The following CELF2 variants were observed in gnomAD, a reference collection of about 807,000 sequenced individuals.
CELF2 encodes the protein CUG triplet repeat RNA-binding protein 2.
CELF2 carries 8 observed loss-of-function variants against 62.6 expected under a neutral mutation model. The ratio of observed to expected loss-of-function variants is 0.13; its 90% CI spans 0.07 to 0.23. CELF2 has a LOEUF of 0.23. Ranked by LOEUF, CELF2 falls within the 10% of genes least tolerant of loss-of-function variation. The pLI is 1.00. For missense variants in CELF2, 333 were observed against 671.0 expected (o/e 0.50, Z 5.56); for synonymous variants, 258 against 250.0 (o/e 1.03, Z -0.30).
chr10:11,212,079 C>T (rs1390961738), intron 2 of CELF2, among the ~76,000 whole-genome samples: 1 of 152,200 alleles, frequency 6.6e-6, no homozygotes, highest in Non-Finnish European at 1.5e-5. Context: ...TCCATGATGG[C>T]ATAATCATAG....
intron 2 of CELF2, among the ~76,000 whole-genome samples, chr10:10,940,698 T>C (rs572658093): frequency 1.7e-4 from 26 of 152,344 alleles, no homozygotes; most frequent in African/African-American, 6.0e-4. Flanking sequence ...ATTATGTACA[T>C]AGTAGTTGTA....
At position 11,165,325 on chromosome 10, in the gene CELF2, C is replaced by T. The variant is rs1476766994; in HGVS notation, c.75-161C>T. On this transcript the variant is annotated intron_variant, in intron 1 of 12. Transcript: ENST00000633077. The surrounding 1 kb of genome is among the most constrained non-coding windows in gnomAD (Gnocchi z 7.4). ...GCCGAGGAGCAACTCATGGTGCCTC[C>T]GCTTTGTTTTAGTTCATCAAATTTC... is the stretch of plus-strand genomic sequence containing the variant. 3.5e-6 allele frequency: 5 copies of T among 1,421,800 alleles called. No homozygotes were observed. The highest frequency in any genetic ancestry group is 3.1e-5 in the South Asian group (2 of 65,448). 88.1% of individuals were successfully genotyped at this position (1,421,800 alleles called of 1,614,324 possible).
At position 11,319,018 on chromosome 10, in the gene CELF2, C is replaced by T. The variant is rs1168385786; in HGVS notation, c.1097-2171C>T. The T allele has an allele frequency of 1.5e-5, 7 of 470,998 alleles. No individual in the cohort carries two copies. The highest frequency in any genetic ancestry group is 3.1e-5 in the Non-Finnish European group (7 of 227,062). The allele number at this position is 470,998 out of a possible 1,614,324, so 29.2% of individuals were successfully genotyped here. A position where few individuals can be genotyped will look rare whatever the true frequency, so the allele number is the denominator to read the frequency against. On this transcript the variant is annotated intron_variant, in intron 10 of 12. Coordinates refer to ENST00000633077, the MANE Select transcript of CELF2 (RefSeq NM_001326342.2). The surrounding 1 kb of genome is among the most constrained non-coding windows in gnomAD (Gnocchi z 4.4). The stretch of plus-strand genomic sequence containing the variant: ...GACGAGCTGCTGTCTTCAGCCCGTC[C>T]TCGTCTGGCAGCAAGGCCCCACATG...
rs117216166 is a variant in CELF2 at position 11,031,998 on chromosome 10, G to A, written c.74+13835G>A. Among the ~76,000 whole-genome samples, 979 of 152,116 alleles carry A rather than the reference G, an allele frequency of 6.4e-3. 24 individuals carry two copies. Among genetic ancestry groups the A allele is most frequent in the East Asian group, 0.052 (270 of 5,178 alleles). On this transcript the variant is annotated intron_variant, in intron 1 of 12. Coordinates refer to ENST00000633077, the MANE Select transcript of CELF2 (RefSeq NM_001326342.2). ...CACACAAGTCCTCTATTTCCACCCTGTGAAACAAACACAATTTGATTTAGA... is the reference window on the plus strand; with the variant it reads ...CACACAAGTCCTCTATTTCCACCCTATGAAACAAACACAATTTGATTTAGA...
rs372774126 is a variant in CELF2 at position 11,306,004 on chromosome 10, TCAAC to T, written c.977-8132_977-8129del. Among the ~76,000 whole-genome samples, 1,178 of 152,342 alleles carry T rather than the reference TCAAC, an allele frequency of 7.7e-3. 14 individuals are homozygous for T. The highest frequency in any genetic ancestry group is 0.022 in the African/African-American group (904 of 41,566). ...TAAAACCATGGCCATCCTTGCCTGC[TCAAC>T]CATTCTCTTTCCTGGCACGCCAGCT... On this transcript the variant is annotated intron_variant, in intron 9 of 12. Transcript: ENST00000633077. This position sits in a 1 kb window ranked among gnomAD's most constrained non-coding sequence, Gnocchi z 4.4.
intron 7 of CELF2, among the ~76,000 whole-genome samples, chr10:11,273,107 A>T (rs2084471651): frequency 6.6e-6 from 1 of 152,032 alleles, no homozygotes; most frequent in Non-Finnish European, 1.5e-5. Context: ...ATGGAGAGGG[A>T]TGACTGAACA....
rs1353393551 is a variant in CELF2 at position 11,010,911 on chromosome 10, C to A, written c.53+5471C>A. ...TTACAGCTCTTTTAAACTTACCTTG[C>A]AGTGCCAATTTTGGGAAGGGCATAG... On this transcript the variant is annotated intron_variant, in intron 1 of 12. Transcript: ENST00000416382. This position sits in a 1 kb window ranked among gnomAD's most constrained non-coding sequence, Gnocchi z 4.1. The A allele has an allele frequency of 1.3e-4, 20 of 152,190 alleles. No homozygotes were observed. The highest frequency in any genetic ancestry group is 1.6e-4 in the Non-Finnish European group (11 of 68,042). The allele number at this position is 152,190 out of a possible 1,614,324, so 9.4% of individuals were successfully genotyped here. A position where few individuals can be genotyped will look rare whatever the true frequency, so the allele number is the denominator to read the frequency against.
intron 1 of CELF2, among the ~76,000 whole-genome samples, chr10:11,029,692 A>G (rs1467033884): frequency 1.3e-5 from 2 of 152,230 alleles, no homozygotes; most frequent in Non-Finnish European, 2.9e-5. Flanking sequence ...TGGGAAGGGA[A>G]AACTAGGTCT....
At chr10:10,759,165 A>G in the CELF2 span, among the ~76,000 whole-genome samples, 1 of 152,224 alleles carries the variant, frequency 6.6e-6, no homozygotes, top group African/African-American at 2.4e-5. Context: ...TCCCAAAGGC[A>G]TAAGACTGTA....
chr10:10,552,949 T>G, the CELF2 span, among the ~76,000 whole-genome samples: 1 of 152,184 alleles, frequency 6.6e-6, no homozygotes, highest in Non-Finnish European at 1.5e-5. Context: ...ATGGCTGCCT[T>G]CTTGCTGTGT....
chr10:11,083,676 C>T (rs1010140093), intron 1 of CELF2, among the ~76,000 whole-genome samples: 1 of 152,190 alleles, frequency 6.6e-6, no homozygotes, highest in African/African-American at 2.4e-5. Flanking sequence ...TGCCCCATCT[C>T]ACCGAGTTGA....
At chr10:10,726,763 C>T in the CELF2 span, among the ~76,000 whole-genome samples, 4 of 152,284 alleles carry the variant, frequency 2.6e-5, no homozygotes, top group South Asian at 8.3e-4. Context: ...AAGAATGATG[C>T]TATATGTACT....
At chr10:11,099,358 T>A (rs2050796454) in intron 1 of CELF2, among the ~76,000 whole-genome samples, 1 of 152,246 alleles carries the variant, frequency 6.6e-6, no homozygotes, top group Admixed American at 6.5e-5. Context: ...TCGTATTTTT[T>A]AATAACATTT....
Position 11,269,272 on chromosome 10 carries a change from C to T in CELF2, c.619-1394C>T, listed in dbSNP as rs2083050160. Among the ~76,000 whole-genome samples the T allele has an allele frequency of 6.6e-6, 1 of 152,180 alleles. No homozygotes were observed. The highest frequency in any genetic ancestry group is 1.5e-5 in the Non-Finnish European group (1 of 68,032). On this transcript the variant is annotated intron_variant, in intron 6 of 12. Coordinates refer to ENST00000633077, the MANE Select transcript of CELF2 (RefSeq NM_001326342.2). The surrounding 1 kb of genome is among the most constrained non-coding windows in gnomAD (Gnocchi z 4.4). ...TGACATTTAACATTCTGTACCATGA[C>T]TCTGTCTACCAGAGCTGAAGACCAG...
rs1186746180 is a variant in CELF2 at position 11,005,638 on chromosome 10, G to A, written c.53+198G>A. On this transcript the variant is annotated intron_variant, in intron 1 of 12. Coordinates refer to the CELF2 transcript ENST00000416382. This position sits in a 1 kb window ranked among gnomAD's most constrained non-coding sequence, Gnocchi z 4.3. The stretch of plus-strand genomic sequence containing the variant: ...AGAGAGCCAGCGAGAGAAAGGCGGA[G>A]GACTGCCGTGAATTCTATTTGTACT... Among the ~76,000 whole-genome samples the A allele has an allele frequency of 4.6e-5, 7 of 152,160 alleles. No homozygotes were observed. The highest frequency in any genetic ancestry group is 2.9e-5 in the Non-Finnish European group (2 of 68,022).
chr10:11,022,270 A>G (rs2058454371), intron 1 of CELF2, among the ~76,000 whole-genome samples: 1 of 152,148 alleles, frequency 6.6e-6, no homozygotes, highest in African/African-American at 2.4e-5. Flanking sequence ...TTCCGAGAGG[A>G]AGAATTCATC....
At chr10:11,027,293 T>C (rs1207649446) in intron 1 of CELF2, among the ~76,000 whole-genome samples, 1 of 152,236 alleles carries the variant, frequency 6.6e-6, no homozygotes, top group Non-Finnish European at 1.5e-5. Flanking sequence ...TCCTGTCTGC[T>C]CGTTCCCCCT....
the CELF2 span, among the ~76,000 whole-genome samples, chr10:10,590,847 G>A: frequency 1.2e-4 from 18 of 152,188 alleles, no homozygotes; most frequent in Non-Finnish European, 2.2e-4. Context: ...CCCTTTGTCC[G>A]TCAAAACTTA....
At chr10:10,720,104 G>A in the CELF2 span, among the ~76,000 whole-genome samples, 2 of 152,198 alleles carry the variant, frequency 1.3e-5, no homozygotes, top group Non-Finnish European at 2.9e-5. Context: ...ACAGTGGGAT[G>A]GTGGGAACTG....
Sources: gnomAD v4.1 joint callset for allele counts (sites outside exome capture counted in the v4.1 genomes callset) on GRCh38, gnomAD v4.1.1 for gene constraint, Gnocchi (gnomAD v3.1) non-coding constraint, MANE v1.5 for transcripts, NCBI Gene and HGNC (gene_info 2026-07-23, HGNC 2026-07-21) for gene names.